Variants in HECW1 observed in about 807,000 individuals in gnomAD.
HECW1 encodes the protein E3 ubiquitin-protein ligase HECW1.
A neutral mutation model predicts 182.3 loss-of-function variants in HECW1; 61 were observed. The ratio of observed to expected loss-of-function variants is 0.33; its 90% CI spans 0.27 to 0.41. The LOEUF (loss-of-function observed/expected upper bound fraction) is 0.41. HECW1 is among the 10% of genes least tolerant of loss of function. HECW1 has a pLI of 1.00. For missense variants in HECW1, 1,739 were observed against 2,108.9 expected (o/e 0.82, Z 3.44); for synonymous variants, 859 against 832.6 (o/e 1.03, Z -0.55).
At chr7:43,384,754 A>G (rs2074700339) in intron 6 of HECW1, among the ~76,000 whole-genome samples, 1 of 152,150 alleles carries the variant, frequency 6.6e-6, no homozygotes, top group Non-Finnish European at 1.5e-5. Flanking sequence ...AAAATTGCTC[A>G]TCTATTCCGT....
At chr7:43,512,938 C>A (rs964793797) in intron 24 of HECW1, among the ~76,000 whole-genome samples, 1 of 152,124 alleles carries the variant, frequency 6.6e-6, no homozygotes, top group Non-Finnish European at 1.5e-5. Flanking sequence ...GCTTCTTTAT[C>A]CTTCGCTGAC....
chr7:43,115,251 C>T (rs1372315691), intron 2 of HECW1, among the ~76,000 whole-genome samples: 1 of 150,826 alleles, frequency 6.6e-6, no homozygotes, highest in Admixed American at 6.6e-5. Flanking sequence ...AAAACCCAAG[C>T]GTCTGCATTT....
At chr7:43,280,541 C>T (rs1803756404) in intron 3 of HECW1, among the ~76,000 whole-genome samples, 1 of 152,046 alleles carries the variant, frequency 6.6e-6, no homozygotes, top group Non-Finnish European at 1.5e-5. Context: ...AATTGTAGTT[C>T]CTGGTGAGCA....
chr7:43,303,333 A>AC (rs1164445799), intron 3 of HECW1, among the ~76,000 whole-genome samples: 2 of 100,768 alleles, frequency 2.0e-5, no homozygotes, highest in African/African-American at 3.8e-5. Flanking sequence ...AGACCACCCC[A>AC]CCCCCCGCCC....
intron 5 of HECW1, among the ~76,000 whole-genome samples, chr7:43,349,695 C>G (rs903879162): frequency 2.0e-5 from 3 of 152,144 alleles, no homozygotes; most frequent in Non-Finnish European, 2.9e-5. Flanking sequence ...CTTTTGGTGT[C>G]CATTTGCATG....
chr7:43,437,754 C>G (rs543174541), intron 8 of HECW1, among the ~76,000 whole-genome samples: 2 of 152,292 alleles, frequency 1.3e-5, no homozygotes, highest in African/African-American at 4.8e-5. Context: ...GGCATTCTTT[C>G]TCTTTAAAGC....
chr7:43,399,965 G>C (rs892736185), intron 7 of HECW1, among the ~76,000 whole-genome samples: 1 of 152,160 alleles, frequency 6.6e-6, no homozygotes, highest in Non-Finnish European at 1.5e-5. Flanking sequence ...GCCAGGCATG[G>C]TGGCTCATAC....
chr7:43,543,561 C>G (rs1479364769), intron 26 of HECW1, among the ~76,000 whole-genome samples: 1 of 152,006 alleles, frequency 6.6e-6, no homozygotes, highest in Non-Finnish European at 1.5e-5. Flanking sequence ...GGCAGATCAC[C>G]TGAGGTCAGG....
intron 6 of HECW1, among the ~76,000 whole-genome samples, chr7:43,386,723 T>C (rs2074814784): frequency 6.6e-6 from 1 of 152,054 alleles, no homozygotes; most frequent in African/African-American, 2.4e-5. Flanking sequence ...TCATCTCAGG[T>C]CCATGGACTC....
chr7:43,466,956 T>C (rs1464242701), intron 15 of HECW1, among the ~76,000 whole-genome samples: 2 of 152,248 alleles, frequency 1.3e-5, no homozygotes, highest in Admixed American at 6.5e-5. Context: ...TCTAGGTAAA[T>C]AACTAGGTTT....
chr7:43,471,284 G>A (rs939185790), intron 16 of HECW1, among the ~76,000 whole-genome samples: 1 of 152,192 alleles, frequency 6.6e-6, no homozygotes. Flanking sequence ...AGGATATGCT[G>A]CACAGGAGGC....
chr7:43,139,552 T>C (rs1177325205), intron 2 of HECW1, among the ~76,000 whole-genome samples: 2 of 152,206 alleles, frequency 1.3e-5, no homozygotes, highest in Non-Finnish European at 2.9e-5. Context: ...TATTTTAGCA[T>C]TGTTTTAACA....
intron 2 of HECW1, among the ~76,000 whole-genome samples, chr7:43,175,187 T>TACAC (rs148286854): frequency 4.0e-5 from 6 of 151,890 alleles, no homozygotes; most frequent in African/African-American, 1.4e-4. Flanking sequence ...CACATACACA[T>TACAC]ACACACACAC....
At chr7:43,489,267 A>G (rs1307004519) in intron 17 of HECW1, among the ~76,000 whole-genome samples, 3 of 152,208 alleles carry the variant, frequency 2.0e-5, no homozygotes, top group Non-Finnish European at 4.4e-5. Context: ...TCTTTACAAG[A>G]TCAATAATAT....
rs757382362 is a variant in HECW1, at chr7:43,466,447, A to G, written c.2792A>G (p.Asp931Gly). 8 of 1,613,100 alleles carry G rather than the reference A, an allele frequency of 5.0e-6. No homozygotes were observed. Among genetic ancestry groups the G allele is most frequent in the Non-Finnish European group, 6.8e-6 (8 of 1,179,522 alleles). ...GTTGCTTTGCTTCACTTTTTTTCAGATCTAAGGAGAGAAGGGTCACTTTCT... is the reference window on the plus strand; with the variant it reads ...GTTGCTTTGCTTCACTTTTTTTCAGGTCTAAGGAGAGAAGGGTCACTTTCT... Reference protein sequence around the residue: ...SEAESSQSSLDLRREGSLSPV... With the variant: ...SEAESSQSSLGLRREGSLSPV... The change falls in exon 15 of 30, where the codon GAT becomes GGT. Residue 931 changes from aspartate (D) to glycine (G), a missense_variant and splice_region_variant. Transcript: ENST00000395891.
At chr7:43,279,140 T>C (rs887612104) in intron 3 of HECW1, among the ~76,000 whole-genome samples, 7 of 152,220 alleles carry the variant, frequency 4.6e-5, no homozygotes, top group Non-Finnish European at 1.0e-4. Flanking sequence ...TGGTGTGGGC[T>C]TGAGGTTGGG....
At chr7:43,172,257 G>A (rs751728237) in intron 2 of HECW1, among the ~76,000 whole-genome samples, 18 of 151,898 alleles carry the variant, frequency 1.2e-4, no homozygotes, top group Non-Finnish European at 2.4e-4. Context: ...TTGCGCCACT[G>A]CACTCCAGCC....
chr7:43,136,276 A>G (rs1258340248), intron 2 of HECW1, among the ~76,000 whole-genome samples: 1 of 152,186 alleles, frequency 6.6e-6, no homozygotes, highest in Non-Finnish European at 1.5e-5. Flanking sequence ...CATATCTCCT[A>G]GGGCTTATTT....
chr7:43,424,084 A>AT (rs776771746), intron 8 of HECW1, among the ~76,000 whole-genome samples: 7 of 152,194 alleles, frequency 4.6e-5, no homozygotes, highest in Non-Finnish European at 1.0e-4. Context: ...TCTTTGGCAT[A>AT]TCTACATAAA....
Sources: gnomAD v4.1 joint callset for allele counts (sites outside exome capture counted in the v4.1 genomes callset) on GRCh38, gnomAD v4.1.1 for gene constraint, MANE v1.5 for transcripts, NCBI Gene and HGNC (gene_info 2026-07-23, HGNC 2026-07-21) for gene names.